TLCD3B: variants seen among roughly 807,000 people sequenced by gnomAD.
The protein encoded by TLCD3B is ceramide synthase.
A neutral mutation model predicts 23.0 loss-of-function variants in TLCD3B; 9 were observed. The observed-to-expected ratio is 0.39, with a 90% CI of 0.24 to 0.68. TLCD3B has a LOEUF of 0.68. Among genes scored for constraint, TLCD3B ranks in the 30% least tolerant of loss-of-function variants. The pLI, the probability that TLCD3B is intolerant of heterozygous loss-of-function variation, is 0.44. For synonymous variants in TLCD3B, 161 were observed against 161.0 expected (o/e 1.00, Z 0.00); for missense variants, 307 against 371.8 (o/e 0.83, Z 1.43).
At chr16:30,039,590 C>A (rs1340805572) in intron 3 of TLCD3B, among the ~76,000 whole-genome samples, 1 of 151,944 alleles carries the variant, frequency 6.6e-6, no homozygotes, top group Admixed American at 6.6e-5. Context: ...ACACAACACT[C>A]AGCTAATTTT....
At chr16:30,051,725 C>G (rs908663575) in intron 1 of TLCD3B, among the ~76,000 whole-genome samples, 1 of 151,994 alleles carries the variant, frequency 6.6e-6, no homozygotes, top group Non-Finnish European at 1.5e-5. Context: ...GTGAGAAGTG[C>G]GAGAACAACA....
chr16:30,026,676 A>G lies in TLCD3B; in HGVS notation c.377T>C (p.Leu126Pro). 1 of 1,613,854 alleles carries G rather than the reference A, an allele frequency of 6.2e-7. No individual in the cohort carries two copies. Among genetic ancestry groups the G allele is most frequent in the Non-Finnish European group, 8.5e-7 (1 of 1,179,978 alleles). ...GSTWAIARGY[L>P]HKEFLMVLHH... ...GAGCACCATGAGGAACTCCTTGTGCAGGTAGCCACGCGCTATGGCCCACGT... is the reference window on the plus strand; with the variant it reads ...GAGCACCATGAGGAACTCCTTGTGCGGGTAGCCACGCGCTATGGCCCACGT... Residue 126 changes from leucine to proline, a missense_variant, in exon 3 of 5, where the codon CTG becomes CCG. Physicochemically the swap from Leu to Pro is moderately conservative, Grantham distance 98 (BLOSUM62 -3). Coordinates refer to ENST00000380495, the MANE Select transcript of TLCD3B (RefSeq NM_031478.6).
At position 30,024,736 on chromosome 16, in the gene TLCD3B, C is replaced by T. The variant is rs2071018900; in HGVS notation, c.*447G>A. 1 of 189,310 alleles carries T rather than the reference C, an allele frequency of 5.3e-6. No homozygotes were observed. The highest frequency in any genetic ancestry group is 1.1e-5 in the Non-Finnish European group (1 of 93,702). The allele number at this position is 189,310 out of a possible 1,614,324, so 11.7% of individuals were successfully genotyped here. A position where few individuals can be genotyped will look rare whatever the true frequency, so the allele number is the denominator to read the frequency against. On this transcript the variant is annotated 3_prime_UTR_variant, in exon 5 of 5. Transcript: ENST00000380495. ...CTACCCTGGAGAGGAGCCGTGGTTG[C>T]AGCCGGCCACTCGGGAGGCCCGAGG...
chr16:30,042,487 G>A (rs566189132), intron 2 of TLCD3B, among the ~76,000 whole-genome samples: 3 of 152,282 alleles, frequency 2.0e-5, no homozygotes, highest in African/African-American at 7.2e-5. Flanking sequence ...GCCTCCCAAA[G>A]TGTTGGGATT....
intron 2 of TLCD3B, among the ~76,000 whole-genome samples, chr16:30,045,260 T>C (rs1246612406): frequency 2.0e-5 from 3 of 149,798 alleles, no homozygotes; most frequent in Non-Finnish European, 4.4e-5. Context: ...GTGTGTGGTG[T>C]GTGTGTGATG....
chr16:30,036,308 T>A (rs999154016), intron 3 of TLCD3B: 1 of 1,289,020 alleles, frequency 7.8e-7, no homozygotes, highest in Non-Finnish European at 1.0e-6. Flanking sequence ...CGATTGTTGT[T>A]CCATTAAAAA....
intron 1 of TLCD3B, among the ~76,000 whole-genome samples, chr16:30,050,050 T>C (rs2071727493): frequency 6.6e-6 from 1 of 152,152 alleles, no homozygotes; most frequent in Non-Finnish European, 1.5e-5. Context: ...CTGCATAATG[T>C]ATGAGCCCAT....
intron 1 of TLCD3B, among the ~76,000 whole-genome samples, chr16:30,052,130 G>A (rs1453173560): frequency 3.9e-5 from 6 of 152,164 alleles, no homozygotes; most frequent in Non-Finnish European, 8.8e-5. Context: ...ACTTTGGGAG[G>A]CCAAGGCGGG....
upstream of TLCD3B, chr16:30,032,671 G>C (rs1468809794): frequency 1.4e-5 from 2 of 138,176 alleles, no homozygotes; most frequent in African/African-American, 2.6e-5. Flanking sequence ...TTTTGAGATA[G>C]GGTCTCATTC....
chr16:30,030,181 G>T, intron 1 of TLCD3B: 1 of 1,421,256 alleles, frequency 7.0e-7, no homozygotes, highest in Non-Finnish European at 9.7e-7. Flanking sequence ...AGAGAGAGGC[G>T]GGCTGAACAC....
chr16:30,029,887 A>G lies in TLCD3B; in HGVS notation c.126-372T>C, dbSNP rs72622219. 0.014 allele frequency among the ~76,000 whole-genome samples: 2,077 copies of G among 152,292 alleles called. 202 individuals are homozygous for G. In the East Asian group the frequency reaches 0.26, roughly 19 times the overall value. On this transcript the variant is annotated intron_variant, in intron 1 of 4. Coordinates refer to ENST00000380495, the MANE Select transcript of TLCD3B (RefSeq NM_031478.6). The surrounding 1 kb of genome is among the most constrained non-coding windows in gnomAD (Gnocchi z 4.6). ...GCCTGGGCCGGTTCTTGCCCCGCTT[A>G]GCTGTCCAGTCATGACGCAGGCCTC...
chr16:30,029,172 C>A lies in TLCD3B; in HGVS notation c.209+260G>T, dbSNP rs955395041. ...TGGGGAACCACGACAACACGGGAGA[C>A]CTGGAAGCCGACTAGAAAGCGCTTT... On this transcript the variant is annotated intron_variant, in intron 2 of 4. Coordinates refer to ENST00000380495, the MANE Select transcript of TLCD3B (RefSeq NM_031478.6). This position sits in a 1 kb window ranked among gnomAD's most constrained non-coding sequence, Gnocchi z 4.6. Among the ~76,000 whole-genome samples the A allele has an allele frequency of 2.0e-5, 3 of 152,180 alleles. No individual in the cohort carries two copies. Among genetic ancestry groups the A allele is most frequent in the Admixed American group, 2.0e-4 (3 of 15,276 alleles).
chr16:30,052,981 A>G (rs1382772489), upstream of TLCD3B: 1 of 152,226 alleles, frequency 6.6e-6, no homozygotes, highest in Non-Finnish European at 1.5e-5. Context: ...TCCCCGCGAG[A>G]AAGCCCCGAG....
In TLCD3B at chr16:30,031,249, G is replaced by A. The variant is rs1412649796; in HGVS notation, c.-722C>T. The A allele has an allele frequency of 6.6e-6, 1 of 152,182 alleles. No homozygotes were observed. Among genetic ancestry groups the A allele is most frequent in the Non-Finnish European group, 1.5e-5 (1 of 68,168 alleles). The allele number at this position is 152,182 out of a possible 1,614,324, so 9.4% of individuals were successfully genotyped here. ...CAGACACCGAGAAACCGGACCTGCA[G>A]CGGCGTCTCCCCATGCAGCTCTGAG... On this transcript the variant is annotated 5_prime_UTR_variant, in exon 1 of 5. Transcript: ENST00000380495.
intron 1 of TLCD3B, among the ~76,000 whole-genome samples, chr16:30,052,301 T>C (rs1263388685): frequency 6.8e-6 from 1 of 147,890 alleles, no homozygotes; most frequent in Non-Finnish European, 1.5e-5. Context: ...CCAGGAGACA[T>C]AGGTTGTAGT....
intron 3 of TLCD3B, chr16:30,036,479 C>A (rs1381199660): frequency 8.6e-7 from 1 of 1,163,486 alleles, no homozygotes; most frequent in Non-Finnish European, 1.1e-6. Context: ...ATCCTGCCTT[C>A]CTGAAGTGTC....
rs539066893 is a variant in TLCD3B at position 30,029,581 on chromosome 16, C to T, written c.126-66G>A. The T allele has an allele frequency of 2.8e-5, 37 of 1,341,450 alleles. No homozygotes were observed. Among genetic ancestry groups the T allele is most frequent in the Middle Eastern group, 3.6e-4 (2 of 5,502 alleles). The allele number at this position is 1,341,450 out of a possible 1,614,324, so 83.1% of individuals were successfully genotyped here. On this transcript the variant is annotated intron_variant, in intron 1 of 4. Transcript: ENST00000380495. The surrounding 1 kb of genome is among the most constrained non-coding windows in gnomAD (Gnocchi z 4.6). ...AGAGGCGTGTGCCTTGATTTCTCCT[C>T]GTTGCTAGTCTAACGACTGCGCTTT...
In TLCD3B at chr16:30,030,655, C is replaced by A. The variant is rs937950666; in HGVS notation, c.-128G>T. The A allele has an allele frequency of 9.6e-6, 11 of 1,150,216 alleles. No individual in the cohort carries two copies. The highest frequency in any genetic ancestry group is 5.0e-5 in the East Asian group (1 of 19,922). 71.3% of individuals were successfully genotyped at this position (1,150,216 alleles called of 1,614,324 possible). On this transcript the variant is annotated 5_prime_UTR_variant, in exon 1 of 5. Coordinates refer to ENST00000380495, the MANE Select transcript of TLCD3B (RefSeq NM_031478.6). ...AGGGAGAAAACGATGAGAAGGGGCA[C>A]AAAGGGGCCAGGGCGGGGACGGGAT...
chr16:30,029,541 G>A lies in TLCD3B; in HGVS notation c.126-26C>T. The A allele has an allele frequency of 2.5e-6, 4 of 1,589,306 alleles. No individual in the cohort carries two copies. The highest frequency in any genetic ancestry group is 3.5e-6 in the Non-Finnish European group (4 of 1,158,816). ...CTGGGGGAGAGAGGGAGGCGTGCTA[G>A]AAAGGCAGAAGGGAAGAGGCGTGTG... On this transcript the variant is annotated intron_variant, in intron 1 of 4. Transcript: ENST00000380495. This position sits in a 1 kb window ranked among gnomAD's most constrained non-coding sequence, Gnocchi z 4.6.
Sources: gnomAD v4.1 joint callset for allele counts (sites outside exome capture counted in the v4.1 genomes callset) on GRCh38, gnomAD v4.1.1 for gene constraint, Gnocchi (gnomAD v3.1) non-coding constraint, MANE v1.5 for transcripts, NCBI Gene and HGNC (gene_info 2026-07-23, HGNC 2026-07-21) for gene names.